SNTG1: variants seen among roughly 807,000 people sequenced by gnomAD.
SNTG1 encodes gamma-1-syntrophin.
In SNTG1, 39 loss-of-function variants were observed where a neutral mutation model predicts 74.7. The observed-to-expected ratio is 0.52, with a 90% CI of 0.40 to 0.68. SNTG1 has a LOEUF of 0.68. SNTG1 is among the 30% of genes least tolerant of loss of function. SNTG1 has a pLI of 0.00. For synonymous variants in SNTG1, 254 were observed against 217.1 expected, an observed-to-expected ratio of 1.17 and a Z score of -1.49; for missense variants, 685 against 609.5, an observed-to-expected ratio of 1.12 and a Z score of -1.30.
At chr8:49,924,334 C>T (rs779673420) in intron 1 of SNTG1, among the ~76,000 whole-genome samples, 6 of 152,150 alleles carry the variant, frequency 3.9e-5, no homozygotes, top group Non-Finnish European at 5.9e-5. Flanking sequence ...GCTTTGCTGG[C>T]ATTACCACAA....
chr8:50,430,124 T>C (rs942732788), intron 4 of SNTG1, among the ~76,000 whole-genome samples: 2 of 152,168 alleles, frequency 1.3e-5, no homozygotes, highest in African/African-American at 4.8e-5. Flanking sequence ...CACATGAATG[T>C]TACAGCAGCT....
chr8:50,234,875 G>T (rs985586331), intron 2 of SNTG1, among the ~76,000 whole-genome samples: 1 of 152,018 alleles, frequency 6.6e-6, no homozygotes, highest in Non-Finnish European at 1.5e-5. Context: ...AGAAAAGGAG[G>T]ACAACAGCTA....
At chr8:50,470,551 A>T (rs1381641116) in intron 8 of SNTG1, among the ~76,000 whole-genome samples, 1 of 151,460 alleles carries the variant, frequency 6.6e-6, no homozygotes, top group Non-Finnish European at 1.5e-5. Flanking sequence ...TGGCGCGTCC[A>T]GAGTTGTTTG....
chr8:50,428,654 AAG>A (rs1172615902), intron 4 of SNTG1, among the ~76,000 whole-genome samples: 4 of 152,188 alleles, frequency 2.6e-5, no homozygotes, highest in Non-Finnish European at 5.9e-5. Context: ...CACCTGTAGC[AAG>A]AGAGAAAAAC....
intron 2 of SNTG1, among the ~76,000 whole-genome samples, chr8:50,275,686 C>T (rs2088057482): frequency 6.6e-6 from 1 of 152,238 alleles, no homozygotes; most frequent in African/African-American, 2.4e-5. Flanking sequence ...CCCCCAGGCA[C>T]CTTTACCTTC....
In SNTG1 at chr8:50,087,792, T is replaced by G. The variant is rs1370172229; in HGVS notation, c.-102-84769T>G. Among the ~76,000 whole-genome samples, 3 of 151,932 alleles carry G rather than the reference T, an allele frequency of 2.0e-5. No homozygotes were observed. In the East Asian group the frequency reaches 5.8e-4, roughly 29 times the overall value. On this transcript the variant is annotated intron_variant, in intron 1 of 18. Coordinates refer to ENST00000642720, the MANE Select transcript of SNTG1 (RefSeq NM_018967.5). ...TATTTATTTTTTATTTATTTATTTTTTATTATACTTTAAGTTTTAGGGTAC... is the reference window on the plus strand; with the variant it reads ...TATTTATTTTTTATTTATTTATTTTGTATTATACTTTAAGTTTTAGGGTAC...
intron 2 of SNTG1, among the ~76,000 whole-genome samples, chr8:50,235,546 T>C (rs117540481): frequency 2.0e-5 from 3 of 152,160 alleles, no homozygotes; most frequent in Non-Finnish European, 4.4e-5. Flanking sequence ...TGTACAGTGA[T>C]CTGTGAGTGA....
intron 15 of SNTG1, among the ~76,000 whole-genome samples, chr8:50,685,574 CA>C (rs1286965424): frequency 6.6e-6 from 1 of 152,000 alleles, no homozygotes; most frequent in Non-Finnish European, 1.5e-5. Flanking sequence ...TTAATTTTTT[CA>C]AAGGCAGAGT....
At chr8:50,336,847 ATGGCCTAAGGAGTAGTAGAG>A (rs1299902974) in intron 2 of SNTG1, among the ~76,000 whole-genome samples, 12 of 152,344 alleles carry the variant, frequency 7.9e-5, no homozygotes, top group Admixed American at 3.3e-4. Flanking sequence ...CCATAAAATC[ATGGCCTAAGGAGTAGTAGAG>A]ATGACTTTGA....
intron 15 of SNTG1, among the ~76,000 whole-genome samples, chr8:50,690,742 G>A (rs1019837558): frequency 3.3e-5 from 5 of 152,222 alleles, no homozygotes; most frequent in Admixed American, 2.0e-4. Context: ...GGTGTGGCAA[G>A]TTCTGCAGAT....
chr8:50,174,668 A>T (rs987948071), intron 2 of SNTG1, among the ~76,000 whole-genome samples: 1 of 152,176 alleles, frequency 6.6e-6, no homozygotes. Context: ...AAAATCTCAT[A>T]GGGGAGTCCA....
At chr8:50,586,039 T>G (rs774195859) in intron 12 of SNTG1, among the ~76,000 whole-genome samples, 3 of 152,152 alleles carry the variant, frequency 2.0e-5, no homozygotes, top group Non-Finnish European at 4.4e-5. Context: ...TATCTGTTCA[T>G]TCCCCACCCA....
chr8:50,660,340 AAGAG>A (rs1305622217), intron 15 of SNTG1, among the ~76,000 whole-genome samples: 12 of 137,910 alleles, frequency 8.7e-5, no homozygotes, highest in African/African-American at 2.7e-5. Context: ...GAAAGAAAGA[AAGAG>A]AAAGAAAGAA....
At chr8:50,147,181 G>A (rs1032300877) in intron 1 of SNTG1, among the ~76,000 whole-genome samples, 2 of 152,166 alleles carry the variant, frequency 1.3e-5, no homozygotes, top group African/African-American at 4.8e-5. Flanking sequence ...CTACGCATTT[G>A]TCAAGAGTCA....
chr8:50,766,077 G>A (rs987514182), intron 18 of SNTG1, among the ~76,000 whole-genome samples: 1 of 151,936 alleles, frequency 6.6e-6, no homozygotes. Flanking sequence ...TATTGAAGGA[G>A]AGACTGGAAA....
intron 15 of SNTG1, among the ~76,000 whole-genome samples, chr8:50,701,586 C>CTTCTTCTTCTTCGTCTTCTTCT: frequency 6.9e-6 from 1 of 145,312 alleles, no homozygotes; most frequent in Non-Finnish European, 1.5e-5. Context: ...CTTTTTCTTC[C>CTTCTTCTTCTTCGTCTTCTTCT]TCTTCTTCTT....
chr8:50,704,766 G>T lies in SNTG1; in HGVS notation c.1191+14G>T, dbSNP rs753798037. On this transcript the variant is annotated intron_variant, in intron 16 of 18. Coordinates refer to ENST00000642720, the MANE Select transcript of SNTG1 (RefSeq NM_018967.5). Reference sequence around the variant, plus strand: ...GAACGGATACAGGTGAGAGTCTGTGGGACTGCAGGATGTGTGGCTCCCTCA... The same window carrying T: ...GAACGGATACAGGTGAGAGTCTGTGTGACTGCAGGATGTGTGGCTCCCTCA... 6.2e-7 allele frequency: 1 copy of T among 1,613,552 alleles called. No individual in the cohort carries two copies. The highest frequency in any genetic ancestry group is 8.5e-7 in the Non-Finnish European group (1 of 1,179,752).
chr8:50,249,608 C>T (rs1397164341), intron 2 of SNTG1, among the ~76,000 whole-genome samples: 1 of 152,188 alleles, frequency 6.6e-6, no homozygotes, highest in Non-Finnish European at 1.5e-5. Context: ...ACTTCCATGC[C>T]TGCATGTGTC....
intron 9 of SNTG1, among the ~76,000 whole-genome samples, chr8:50,509,392 G>A (rs951952771): frequency 2.6e-4 from 39 of 152,116 alleles, no homozygotes; most frequent in Non-Finnish European, 5.3e-4. Context: ...TTGACTTGGC[G>A]ATGCGGACTC....
Sources: gnomAD v4.1 joint callset for allele counts (sites outside exome capture counted in the v4.1 genomes callset) on GRCh38, gnomAD v4.1.1 for gene constraint, MANE v1.5 for transcripts, NCBI Gene and HGNC (gene_info 2026-07-23, HGNC 2026-07-21) for gene names.